Variants in STAG1 observed in about 807,000 individuals in gnomAD.
STAG1 encodes cohesin subunit SA-1.
STAG1 carries 26 observed loss-of-function variants against 170.9 expected under a neutral mutation model. That is an observed-to-expected ratio of 0.15 (90% CI 0.11 to 0.21). The LOEUF is 0.21. STAG1 is among the 10% of genes least tolerant of loss of function. The pLI is 1.00. For synonymous variants in STAG1, 514 were observed against 497.7 expected (o/e 1.03, Z -0.44); for missense variants, 964 against 1,509.5 (o/e 0.64, Z 5.99).
At chr3:136,536,765 T>C (rs1935654534) in intron 6 of STAG1, among the ~76,000 whole-genome samples, 1 of 151,230 alleles carries the variant, frequency 6.6e-6, no homozygotes. Flanking sequence ...GTTCAACTCC[T>C]GGCTTGCCAT....
chr3:136,657,816 T>A (rs1297029913), intron 1 of STAG1, among the ~76,000 whole-genome samples: 1 of 152,144 alleles, frequency 6.6e-6, no homozygotes, highest in Non-Finnish European at 1.5e-5. Flanking sequence ...AGCAAGTTGC[T>A]GTCTCAAAAA....
At chr3:136,526,350 TG>T (rs1278635286) in intron 6 of STAG1, among the ~76,000 whole-genome samples, 2 of 152,242 alleles carry the variant, frequency 1.3e-5, no homozygotes, top group African/African-American at 4.8e-5. Context: ...CATTATGTTA[TG>T]GCCTTCTTTG....
chr3:136,525,131 C>G (rs989547155), intron 6 of STAG1, among the ~76,000 whole-genome samples: 1 of 152,086 alleles, frequency 6.6e-6, no homozygotes, highest in African/African-American at 2.4e-5. Context: ...GAGAGGATTC[C>G]CTCTTTTTCG....
intron 1 of STAG1, among the ~76,000 whole-genome samples, chr3:136,734,525 A>G (rs971894448): frequency 6.6e-5 from 10 of 151,590 alleles, no homozygotes; most frequent in Admixed American, 4.6e-4. Flanking sequence ...CCCCTGAAAA[A>G]CTCTTCTGAC....
At position 136,687,925 on chromosome 3, in the gene STAG1, C is replaced by T. The variant is rs144539326; in HGVS notation, c.-83-56944G>A. On this transcript the variant is annotated intron_variant, in intron 1 of 33. Transcript: ENST00000383202. ...CTAATTTTTGTATTTTTAATACAGA[C>T]GGGGTTTCACCATGTTAGCCAGGAT... Among the ~76,000 whole-genome samples the T allele has an allele frequency of 7.7e-3, 1,163 of 151,984 alleles. 18 individuals carry two copies. Among genetic ancestry groups the T allele is most frequent in the African/African-American group, 0.027 (1,130 of 41,430 alleles).
chr3:136,526,863 G>T (rs578157301), intron 6 of STAG1, among the ~76,000 whole-genome samples: 14 of 152,090 alleles, frequency 9.2e-5, no homozygotes, highest in Non-Finnish European at 1.8e-4. Context: ...GCTTAGTTTG[G>T]CTGGATATGA....
chr3:136,481,841 C>T lies in STAG1; in HGVS notation c.903-4429G>A, dbSNP rs1486851317. Among the ~76,000 whole-genome samples the T allele has an allele frequency of 4.5e-5, 3 of 67,050 alleles. No homozygotes were observed. In the South Asian group the frequency reaches 2.5e-3, roughly 56 times the overall value. The allele number at this position is 67,050 out of a possible 152,430, so 44.0% of individuals were successfully genotyped here. On this transcript the variant is annotated intron_variant, in intron 9 of 33. Coordinates refer to ENST00000383202, the MANE Select transcript of STAG1 (RefSeq NM_005862.3). ...TATGTGTCGAGGAATGTATCCATTT[C>T]TTCTAGATTTTCTAGTTTATTTGCG...
intron 28 of STAG1, among the ~76,000 whole-genome samples, chr3:136,351,478 A>G (rs1245736100): frequency 6.6e-6 from 1 of 152,186 alleles, no homozygotes; most frequent in East Asian, 1.9e-4. Context: ...ACATATCCTA[A>G]GCTGCATTCA....
intron 23 of STAG1, among the ~76,000 whole-genome samples, chr3:136,369,825 G>A (rs1031109182): frequency 6.6e-5 from 10 of 152,102 alleles, no homozygotes; most frequent in Non-Finnish European, 1.5e-4. Context: ...ATACATGATG[G>A]TGGATCCCAT....
At chr3:136,731,293 G>C (rs112175447) in intron 1 of STAG1, among the ~76,000 whole-genome samples, 7 of 152,094 alleles carry the variant, frequency 4.6e-5, no homozygotes, top group African/African-American at 1.4e-4. Flanking sequence ...AATGCAAAGG[G>C]TGGATATTTG....
chr3:136,488,588 C>A (rs2090061740), intron 9 of STAG1, among the ~76,000 whole-genome samples: 1 of 152,208 alleles, frequency 6.6e-6, no homozygotes, highest in South Asian at 2.1e-4. Context: ...TGCATCAGCA[C>A]CTACACGTTT....
chr3:136,497,379 TATC>T (rs1329518954), intron 9 of STAG1, among the ~76,000 whole-genome samples: 1 of 152,094 alleles, frequency 6.6e-6, no homozygotes, highest in African/African-American at 2.4e-5. Flanking sequence ...GATAAAAACA[TATC>T]ATGATAATGT....
chr3:136,392,430 A>C (rs1314356269), intron 22 of STAG1, among the ~76,000 whole-genome samples: 1 of 152,166 alleles, frequency 6.6e-6, no homozygotes, highest in South Asian at 2.1e-4. Context: ...AGTACATTGT[A>C]ATCTCAATAA....
At chr3:136,407,853 G>A (rs138628138) in intron 21 of STAG1, among the ~76,000 whole-genome samples, 3,170 of 148,208 alleles carry the variant, frequency 0.021, 57 homozygotes, top group Non-Finnish European at 0.029. Flanking sequence ...CCGAGATCAC[G>A]CCACTGCACT....
At chr3:136,731,192 T>C (rs1419609738) in intron 1 of STAG1, among the ~76,000 whole-genome samples, 2 of 151,930 alleles carry the variant, frequency 1.3e-5, no homozygotes, top group Non-Finnish European at 2.9e-5. Context: ...AAGCATTTGC[T>C]CACTTCAACA....
chr3:136,367,115 T>G (rs761637534), intron 24 of STAG1, 33 bp from the exon 25 acceptor site: 1 of 1,551,546 alleles, frequency 6.4e-7, no homozygotes, highest in African/African-American at 1.4e-5. Flanking sequence ...TTATGAATTC[T>G]GGTACTTTAT....
chr3:136,561,010 T>C (rs1237314645), intron 5 of STAG1, among the ~76,000 whole-genome samples: 2 of 152,170 alleles, frequency 1.3e-5, no homozygotes, highest in Middle Eastern at 3.2e-3. Context: ...AACACTCTTT[T>C]GGTCCTTGGT....
chr3:136,453,531 C>T (rs775040739), intron 13 of STAG1, among the ~76,000 whole-genome samples: 2 of 146,854 alleles, frequency 1.4e-5, no homozygotes, highest in Admixed American at 6.9e-5. Context: ...GTGGAGCTTA[C>T]AGTAAGCCGA....
chr3:136,669,037 T>C (rs1016082163), intron 1 of STAG1, among the ~76,000 whole-genome samples: 2 of 152,090 alleles, frequency 1.3e-5, no homozygotes, highest in African/African-American at 4.8e-5. Context: ...AATACTGAGG[T>C]TTTCTATTAC....
Sources: allele counts gnomAD v4.1 joint callset (sites outside exome capture counted in the v4.1 genomes callset), GRCh38; gene constraint gnomAD v4.1.1; transcripts MANE v1.5; gene names NCBI Gene and HGNC (gene_info 2026-07-23, HGNC 2026-07-21).